ARHGEF26: variants seen among roughly 807,000 people sequenced by gnomAD.
ARHGEF26 encodes Rho guanine nucleotide exchange factor 26, also known as Rho guanine nucleotide exchange factor (GEF) 26.
In ARHGEF26, 59 loss-of-function variants were observed where a neutral mutation model predicts 89.4. That is an observed-to-expected ratio of 0.66 (90% confidence interval 0.54 to 0.82). The LOEUF is 0.82. ARHGEF26 is among the 40% of genes least tolerant of loss of function. The probability of loss-of-function intolerance (pLI) is 0.00; values close to 1 mark genes in which losing one functional copy is unlikely to be tolerated. For synonymous variants in ARHGEF26, 500 were observed against 428.4 expected (o/e 1.17, Z -2.06); for missense variants, 1,234 against 1,085.6 (o/e 1.14, Z -1.92).
intron 4 of ARHGEF26, 79 bp from the exon 5 acceptor site, chr3:154,149,310 G>A (rs368595937): frequency 2.4e-5 from 26 of 1,080,084 alleles, no homozygotes; most frequent in African/African-American, 2.4e-4. Flanking sequence ...GAAGGGCATA[G>A]AGTTATGCCT....
chr3:154,241,831 G>A (rs573470883), intron 12 of ARHGEF26, among the ~76,000 whole-genome samples: 1 of 152,300 alleles, frequency 6.6e-6, no homozygotes, highest in Admixed American at 6.5e-5. Context: ...ATAACCTCTG[G>A]GATGATGGAG....
chr3:154,134,494 G>C (rs1347300788), intron 4 of ARHGEF26, among the ~76,000 whole-genome samples: 4 of 152,152 alleles, frequency 2.6e-5, no homozygotes, highest in African/African-American at 9.7e-5. Context: ...ACTATCATGA[G>C]AACAGCACAG....
At position 154,255,795 on chromosome 3, in the gene ARHGEF26, T is replaced by C; in HGVS notation, c.*322T>C. 1 of 1,098,314 alleles carries C rather than the reference T, an allele frequency of 9.1e-7. No homozygotes were observed. The highest frequency in any genetic ancestry group is 1.1e-6 in the Non-Finnish European group (1 of 902,980). The allele number at this position is 1,098,314 out of a possible 1,614,324, so 68.0% of individuals were successfully genotyped here. The stretch of plus-strand genomic sequence containing the variant: ...TTCTGGCAATAAAAAACACATATTA[T>C]ATCCTGGTTTTCTCTATCCTTGCAT... On this transcript the variant is annotated 3_prime_UTR_variant, in exon 15 of 15. Transcript: ENST00000465093.
chr3:154,150,534 A>C (rs530565865), intron 5 of ARHGEF26, among the ~76,000 whole-genome samples: 2 of 152,264 alleles, frequency 1.3e-5, no homozygotes, highest in South Asian at 2.1e-4. Context: ...ATTATTTTTG[A>C]GATTATTCAT....
intron 11 of ARHGEF26, among the ~76,000 whole-genome samples, chr3:154,229,308 C>T (rs1252776895): frequency 1.3e-5 from 2 of 152,140 alleles, no homozygotes; most frequent in Non-Finnish European, 2.9e-5. Flanking sequence ...CACTCCTGGG[C>T]TCAGGCAGCC....
intron 9 of ARHGEF26, among the ~76,000 whole-genome samples, chr3:154,209,172 A>G (rs115130881): frequency 0.011 from 1,627 of 152,200 alleles, 23 homozygotes; most frequent in African/African-American, 0.037. Flanking sequence ...TCTCTGTATT[A>G]TCTTGAATTC....
intron 9 of ARHGEF26, among the ~76,000 whole-genome samples, 196 bp from the exon 10 acceptor site, chr3:154,217,673 C>A (rs186428137): frequency 1.8e-4 from 28 of 152,156 alleles, no homozygotes; most frequent in African/African-American, 6.5e-4. Flanking sequence ...CCTTTTTTTC[C>A]CTTCTGTCTT....
chr3:154,213,243 A>G (rs512791), intron 9 of ARHGEF26, among the ~76,000 whole-genome samples: 51,465 of 96,610 alleles, frequency 0.53, 11,233 homozygotes, highest in East Asian at 0.73. Context: ...GTGTGTGTGT[A>G]TATATATATA....
intron 11 of ARHGEF26, among the ~76,000 whole-genome samples, chr3:154,235,199 A>T (rs1224767078): frequency 1.3e-5 from 2 of 152,038 alleles, no homozygotes; most frequent in African/African-American, 2.4e-5. Flanking sequence ...TGTTTAAATT[A>T]TGTATTAATT....
intron 10 of ARHGEF26, among the ~76,000 whole-genome samples, chr3:154,225,440 G>A (rs1032582469): frequency 8.6e-5 from 13 of 151,916 alleles, no homozygotes; most frequent in Non-Finnish European, 1.6e-4. Flanking sequence ...ACCTATAGTT[G>A]TGTTTTTCTG....
Position 154,122,184 on chromosome 3 carries a change from T to G in ARHGEF26, c.192T>G (p.Ile64Met). The G allele has an allele frequency of 6.2e-7, 1 of 1,600,758 alleles. No individual in the cohort carries two copies. The highest frequency in any genetic ancestry group is 8.5e-7 in the Non-Finnish European group (1 of 1,173,952). The part of the protein sequence containing the change: ...EDGGTLLAAQ[I>M]PAQVPTASDS... ...GAGGGACGCTCCTCGCAGCGCAGAT[T>G]CCCGCCCAGGTGCCCACCGCCTCGG... Residue 64 changes from isoleucine to methionine, a missense_variant, in exon 2 of 15, where the codon ATT becomes ATG. Physicochemically the swap from Ile to Met is conservative, Grantham distance 10 (BLOSUM62 1). Coordinates refer to ENST00000465093, the MANE Select transcript of ARHGEF26 (RefSeq NM_015595.4).
intron 6 of ARHGEF26, among the ~76,000 whole-genome samples, chr3:154,173,897 T>C (rs357478): frequency 0.51 from 78,243 of 152,000 alleles, 20,364 homozygotes; most frequent in Non-Finnish European, 0.55. Flanking sequence ...TCAGAAACCT[T>C]TTTGGCTTGG....
chr3:154,178,039 C>T (rs1013277735), intron 6 of ARHGEF26, among the ~76,000 whole-genome samples: 6 of 151,834 alleles, frequency 4.0e-5, no homozygotes, highest in Non-Finnish European at 2.9e-5. Flanking sequence ...CCCTGTCTCT[C>T]CTAAGAATAC....
At chr3:154,201,662 C>T (rs1714649272) in intron 9 of ARHGEF26, among the ~76,000 whole-genome samples, 2 of 150,470 alleles carry the variant, frequency 1.3e-5, no homozygotes, top group Non-Finnish European at 3.0e-5. Flanking sequence ...CTCTCCAGCA[C>T]CTGTTGTTTC....
At chr3:154,226,136 T>C in intron 11 of ARHGEF26, 126 bp downstream of exon 11, 2 of 769,526 alleles carry the variant, frequency 2.6e-6, no homozygotes, top group Non-Finnish European at 3.9e-6. Context: ...ACATACTGAA[T>C]CATAATTGCA....
At chr3:154,231,899 GT>G (rs142817601) in intron 11 of ARHGEF26, among the ~76,000 whole-genome samples, 37,503 of 147,224 alleles carry the variant, frequency 0.25, 5,045 homozygotes, top group South Asian at 0.38. Context: ...TGTAGTAGCA[GT>G]TTTTTTTTTT....
At chr3:154,232,477 G>A (rs1404890989) in intron 11 of ARHGEF26, among the ~76,000 whole-genome samples, 1 of 152,194 alleles carries the variant, frequency 6.6e-6, no homozygotes, top group African/African-American at 2.4e-5. Flanking sequence ...TGTTTTGCTG[G>A]TCTGAGCACT....
rs147208306 is a variant in ARHGEF26 at position 154,145,624 on chromosome 3, A to G, written c.1270-3765A>G. Among the ~76,000 whole-genome samples, 122 of 152,318 alleles carry G rather than the reference A, an allele frequency of 8.0e-4. No individual in the cohort carries two copies. The East Asian group carries it at 0.018, about 22-fold the overall frequency. On this transcript the variant is annotated intron_variant, in intron 4 of 14. Transcript: ENST00000465093. Reference sequence around the variant, plus strand: ...TTCCCTAGTGGTGGGCAAAAATAGAAGGAATGCACATTCATCTAGAAACAC... The same window carrying G: ...TTCCCTAGTGGTGGGCAAAAATAGAGGGAATGCACATTCATCTAGAAACAC...
chr3:154,253,185 T>G lies in ARHGEF26; in HGVS notation c.2368+2T>G. 6.2e-7 allele frequency: 1 copy of G among 1,613,984 alleles called. No homozygotes were observed. Among genetic ancestry groups the G allele is most frequent in the Non-Finnish European group, 8.5e-7 (1 of 1,179,868 alleles). ...GGAAGCCGCCTGCAGACCGAACCTGTAAGTTCTCTCAAGGGGAAGCCCACT... is the reference window on the plus strand; with the variant it reads ...GGAAGCCGCCTGCAGACCGAACCTGGAAGTTCTCTCAAGGGGAAGCCCACT... On this transcript the variant is annotated splice_donor_variant, in intron 13 of 14. Coordinates refer to ENST00000465093, the MANE Select transcript of ARHGEF26 (RefSeq NM_015595.4). LOFTEE classifies it high-confidence loss of function.
Sources: gnomAD v4.1 joint callset for allele counts (sites outside exome capture counted in the v4.1 genomes callset) on GRCh38, gnomAD v4.1.1 for gene constraint, MANE v1.5 for transcripts, NCBI Gene and HGNC (gene_info 2026-07-23, HGNC 2026-07-21) for gene names.